The following NSUN6 variants were observed in gnomAD, a reference collection of about 807,000 sequenced individuals.
NSUN6 encodes NOP2/Sun RNA methyltransferase 6.
A neutral mutation model predicts 58.0 loss-of-function variants in NSUN6; 64 were observed. The ratio of observed to expected loss-of-function variants is 1.10; its 90% confidence interval spans 0.90 to 1.36. The LOEUF (loss-of-function observed/expected upper bound fraction) is 1.36, where lower values mean the gene tolerates loss of function less well. Ranked by LOEUF, NSUN6 falls within the 40% of genes most tolerant of loss-of-function variation. The pLI, the probability that NSUN6 is intolerant of heterozygous loss-of-function variation, is 0.00. For synonymous variants in NSUN6, 231 were observed against 193.9 expected, an observed-to-expected ratio of 1.19 and a Z score of -1.59; for missense variants, 701 against 550.1, an observed-to-expected ratio of 1.27 and a Z score of -2.74.
chr10:18,564,903 TATTCTTCATTCCATTCC>T (rs1054436252), intron 8 of NSUN6, among the ~76,000 whole-genome samples: 3 of 150,460 alleles, frequency 2.0e-5, no homozygotes, highest in African/African-American at 7.4e-5. Flanking sequence ...CATTGCATTC[TATTCTTCATTCCATTCC>T]ATTCTCCATT....
intron 3 of NSUN6, among the ~76,000 whole-genome samples, chr10:18,619,901 C>T (rs2058541863): frequency 6.6e-6 from 1 of 151,998 alleles, no homozygotes; most frequent in Non-Finnish European, 1.5e-5. Context: ...TCACACATAA[C>T]ATTTCATTAA....
chr10:18,650,487 G>C (rs114209425), intron 1 of NSUN6, among the ~76,000 whole-genome samples: 1,614 of 152,274 alleles, frequency 0.011, 23 homozygotes, highest in African/African-American at 0.036. Flanking sequence ...TCACAGAAGA[G>C]AAAAATCTAG....
chr10:18,599,648 T>C (rs2057728371), intron 6 of NSUN6, among the ~76,000 whole-genome samples: 1 of 152,264 alleles, frequency 6.6e-6, no homozygotes, highest in African/African-American at 2.4e-5. Context: ...ATGAAAGCTT[T>C]CAAACATCTG....
intron 8 of NSUN6, among the ~76,000 whole-genome samples, chr10:18,555,424 G>GA (rs750789541): frequency 4.0e-5 from 6 of 151,380 alleles, no homozygotes; most frequent in African/African-American, 4.8e-5. Context: ...GAATGCTATG[G>GA]AATGCATTGG....
chr10:18,556,607 C>CAATGG lies in NSUN6; in HGVS notation c.923-4641_923-4637dup, dbSNP rs533465181. 8.7e-4 allele frequency among the ~76,000 whole-genome samples: 124 copies of CAATGG among 142,336 alleles called. 2 individuals are homozygous for CAATGG. Among genetic ancestry groups the CAATGG allele is most frequent in the African/African-American group, 3.1e-3 (117 of 38,264 alleles). The allele number at this position is 142,336 out of a possible 152,430, so 93.4% of individuals were successfully genotyped here. A position where few individuals can be genotyped will look rare whatever the true frequency, so the allele number is the denominator to read the frequency against. On this transcript the variant is annotated intron_variant, in intron 8 of 10. Transcript: ENST00000377304. ...GGTGTGGAGAATGGAATGGAATAGA[C>CAATGG]AATGGAATGGAATGGACATGGAATG...
chr10:18,597,312 T>C (rs1037969459), intron 6 of NSUN6, among the ~76,000 whole-genome samples: 1 of 152,238 alleles, frequency 6.6e-6, no homozygotes, highest in Non-Finnish European at 1.5e-5. Flanking sequence ...CAGAGTCTTA[T>C]AAGCATGGAG....
rs564688256 is a variant in NSUN6, at chr10:18,646,463, G to C, written c.231+2027C>G. 5.3e-5 allele frequency among the ~76,000 whole-genome samples: 8 copies of C among 152,180 alleles called. No individual in the cohort carries two copies. In the South Asian group the frequency reaches 1.7e-3, roughly 32 times the overall value. ...TTCAAAGAAAGGGACCCAAAGTCCA[G>C]AGTGACTGATCCTAGCCCATGGGAT... On this transcript the variant is annotated intron_variant, in intron 2 of 10. Transcript: ENST00000377304.
intron 7 of NSUN6, among the ~76,000 whole-genome samples, 197 bp from the exon 8 acceptor site, chr10:18,586,290 C>T (rs969052186): frequency 5.9e-5 from 9 of 152,160 alleles, no homozygotes; most frequent in South Asian, 2.1e-4. Context: ...CTTGGTCTCG[C>T]TGACCTCAAG....
At chr10:18,620,498 T>G (rs970021373) in intron 3 of NSUN6, among the ~76,000 whole-genome samples, 1 of 152,080 alleles carries the variant, frequency 6.6e-6, no homozygotes, top group Non-Finnish European at 1.5e-5. Context: ...CTTTCACCCA[T>G]CCCCCAACTC....
chr10:18,657,445 A>G (rs2059789372), upstream of NSUN6, among the ~76,000 whole-genome samples: 1 of 152,178 alleles, frequency 6.6e-6, no homozygotes, highest in African/African-American at 2.4e-5. Flanking sequence ...TGAAATTTCA[A>G]AGAAACAAAA....
At chr10:18,634,888 G>C (rs910521133) in intron 3 of NSUN6, among the ~76,000 whole-genome samples, 45 of 152,152 alleles carry the variant, frequency 3.0e-4, no homozygotes, top group African/African-American at 1.1e-3. Flanking sequence ...GCGGTTCTTA[G>C]AAAGGGTTGC....
At chr10:18,649,521 G>A (rs746504184) in intron 1 of NSUN6, among the ~76,000 whole-genome samples, 2 of 151,846 alleles carry the variant, frequency 1.3e-5, no homozygotes, top group African/African-American at 4.8e-5. Flanking sequence ...CCAGCTACTC[G>A]GGAGGCTGAG....
intron 9 of NSUN6, chr10:18,551,594 G>A (rs1402273769): frequency 2.6e-6 from 1 of 381,650 alleles, no homozygotes; most frequent in Non-Finnish European, 4.7e-6. Context: ...TGTTTTCCAG[G>A]TTCACCCATG....
Position 18,546,236 on chromosome 10 carries a change from T to C in NSUN6, c.1198-91A>G, listed in dbSNP as rs372891372. Reference sequence around the variant, plus strand: ...TTAAGTTAAAAGACAAATTGGGCTGTAACGACTACATCTTCCAAAAATAGA... The same window carrying C: ...TTAAGTTAAAAGACAAATTGGGCTGCAACGACTACATCTTCCAAAAATAGA... On this transcript the variant is annotated intron_variant, in intron 10 of 10. Coordinates refer to ENST00000377304, the MANE Select transcript of NSUN6 (RefSeq NM_182543.5). 72 of 894,834 alleles carry C rather than the reference T, an allele frequency of 8.0e-5. No individual in the cohort carries two copies. In the African/African-American group the frequency reaches 9.5e-4, roughly 12 times the overall value. 55.4% of individuals were successfully genotyped at this position (894,834 alleles called of 1,614,324 possible). A position where few individuals can be genotyped will look rare whatever the true frequency, so the allele number is the denominator to read the frequency against.
intron 3 of NSUN6, among the ~76,000 whole-genome samples, chr10:18,621,609 C>G (rs1223861373): frequency 6.6e-6 from 1 of 151,998 alleles, no homozygotes; most frequent in Non-Finnish European, 1.5e-5. Context: ...TGAAATGTTT[C>G]CAAATAGAGT....
At chr10:18,559,558 TGAATGGAATGGAGAATGCAATAGAGAATG>T (rs1424105061) in intron 8 of NSUN6, among the ~76,000 whole-genome samples, 1 of 141,778 alleles carries the variant, frequency 7.1e-6, no homozygotes, top group Non-Finnish European at 1.5e-5. Flanking sequence ...AGAAACGAAT[TGAATGGAATGGAGAATGCAATAGAGAATG>T]GAATGGAATG....
intron 1 of NSUN6, among the ~76,000 whole-genome samples, chr10:18,649,362 T>C (rs529935916): frequency 6.6e-6 from 1 of 152,322 alleles, no homozygotes; most frequent in South Asian, 2.1e-4. Flanking sequence ...CTTGTTAGCC[T>C]ACTCATGCAC....
chr10:18,591,262 GC>G (rs1343637094), intron 7 of NSUN6, among the ~76,000 whole-genome samples: 1 of 152,034 alleles, frequency 6.6e-6, no homozygotes, highest in African/African-American at 2.4e-5. Flanking sequence ...ACTAAAAAAA[GC>G]CCAGGACCAG....
Position 18,593,093 on chromosome 10 carries a change from A to G in NSUN6, c.777+3115T>C, listed in dbSNP as rs185414678. Among the ~76,000 whole-genome samples the G allele has an allele frequency of 8.2e-4, 125 of 152,346 alleles. 2 individuals carry two copies. Among genetic ancestry groups the G allele is most frequent in the African/African-American group, 2.8e-3 (117 of 41,586 alleles). On this transcript the variant is annotated intron_variant, in intron 7 of 10. Transcript: ENST00000377304. ...AAGACAACATTTATGCTGCCAATAA[A>G]CATATGAAAAAAAGCTCGTCATCAC...
Sources: allele counts gnomAD v4.1 joint callset (sites outside exome capture counted in the v4.1 genomes callset), GRCh38; gene constraint gnomAD v4.1.1; transcripts MANE v1.5; gene names NCBI Gene and HGNC (gene_info 2026-07-23, HGNC 2026-07-21).